TTC31: variants seen among roughly 807,000 people sequenced by gnomAD.
TTC31 encodes tetratricopeptide repeat protein 31.
A neutral mutation model predicts 60.4 loss-of-function variants in TTC31; 59 were observed. The observed-to-expected ratio is 0.98, with a 90% CI of 0.79 to 1.21. TTC31 has a LOEUF of 1.21. Among genes scored for constraint, TTC31 ranks in the 50% most tolerant of loss-of-function variants. The pLI is 0.00. For missense variants in TTC31, 672 were observed against 646.9 expected (o/e 1.04, Z -0.42); for synonymous variants, 225 against 249.6 (o/e 0.90, Z 0.93).
At chr2:74,489,944 G>C in intron 2 of TTC31, 81 bp from the exon 3 acceptor site, 2 of 998,276 alleles carry the variant, frequency 2.0e-6, no homozygotes, top group Non-Finnish European at 3.1e-6. Flanking sequence ...CCATGGTGGA[G>C]AGATCAAGCC....
chr2:74,493,146 C>G lies in TTC31; in HGVS notation c.1488C>G (p.Leu496=). The G allele has an allele frequency of 1.2e-6, 2 of 1,614,210 alleles. No individual in the cohort carries two copies. The highest frequency in any genetic ancestry group is 1.7e-6 in the Non-Finnish European group (2 of 1,180,020). ...CTCAGAGTAGAAGGCCCCATCCTCT[C>G]AAGCCCCAGGACCCTTCAAAGGGCT... ...SQTQSRRPHP[L]KPQDPSKGWD... The change falls in exon 13 of 13, where the codon CTC becomes CTG. Residue 496 remains leucine, a synonymous_variant. Transcript: ENST00000233623.
chr2:74,490,771 A>T (rs757037713), intron 5 of TTC31, 32 bp downstream of exon 5: 2 of 1,594,066 alleles, frequency 1.3e-6, no homozygotes, highest in Non-Finnish European at 1.7e-6. Flanking sequence ...GGTGCAGGGG[A>T]GCCAAAGGGA....
rs780394652 is a variant in TTC31 at position 74,491,648 on chromosome 2, GC to G, written c.856del (p.Gln286SerfsTer47). On this transcript the variant is annotated frameshift_variant, in exon 8 of 13. Transcript: ENST00000233623. LOFTEE classifies it high-confidence loss of function. ...AAGAGAGCCCTCCAAGAGAGGAGAG[GC>G]CCCAGCAGAGTCCAAAGGTACAGGT... ...EEESPPREER[P>X]QQSPKVQASP... The G allele has an allele frequency of 6.2e-7, 1 of 1,614,174 alleles. No individual in the cohort carries two copies.
intron 1 of TTC31, 47 bp downstream of exon 1, chr2:74,483,182 G>A (rs775259581): frequency 6.8e-6 from 11 of 1,613,812 alleles, no homozygotes; most frequent in African/African-American, 1.3e-5. Flanking sequence ...GGCAGAGGCA[G>A]CCCCTCTTGG....
chr2:74,491,851 T>G lies in TTC31; in HGVS notation c.877-153T>G. 13 of 1,443,784 alleles carry G rather than the reference T, an allele frequency of 9.0e-6. 1 individual carries two copies. The South Asian group carries it at 1.7e-4, about 19-fold the overall frequency. The allele number at this position is 1,443,784 out of a possible 1,614,324, so 89.4% of individuals were successfully genotyped here. ...CCATGACCCCGGGTGGTTTCCTGTC[T>G]AGGAAGATAGGGCTGATACCATCTT... On this transcript the variant is annotated intron_variant, in intron 8 of 12. Coordinates refer to ENST00000233623, the MANE Select transcript of TTC31 (RefSeq NM_022492.6).
At chr2:74,492,270 A>G (rs1173841238) in intron 10 of TTC31, 34 bp from the exon 11 acceptor site, 2 of 1,610,576 alleles carry the variant, frequency 1.2e-6, no homozygotes, top group Non-Finnish European at 1.7e-6. Flanking sequence ...AGTGTTGAGG[A>G]CTCAGACCTT....
At chr2:74,492,531 T>A in intron 11 of TTC31, 86 bp downstream of exon 11, 1 of 1,536,074 alleles carries the variant, frequency 6.5e-7, no homozygotes, top group African/African-American at 1.4e-5. Flanking sequence ...GATAAGCTTC[T>A]AGTACCAAAG....
chr2:74,489,088 C>T (rs1372953459), intron 2 of TTC31, among the ~76,000 whole-genome samples: 3 of 152,134 alleles, frequency 2.0e-5, no homozygotes, highest in African/African-American at 2.4e-5. Context: ...GCAAGTGGCT[C>T]CACTCCAGCA....
chr2:74,491,393 C>G lies in TTC31; in HGVS notation c.684+18C>G. 1 of 1,614,040 alleles carries G rather than the reference C, an allele frequency of 6.2e-7. No homozygotes were observed. Among genetic ancestry groups the G allele is most frequent in the Non-Finnish European group, 8.5e-7 (1 of 1,179,958 alleles). ...AAGAAGAGGTGAGAGCCCCTTTTTT[C>G]CCTTCTTGGTCTCTGCTCATTTTCC... On this transcript the variant is annotated intron_variant, in intron 7 of 12. Coordinates refer to ENST00000233623, the MANE Select transcript of TTC31 (RefSeq NM_022492.6).
chr2:74,487,505 A>G (rs994236175), intron 2 of TTC31, among the ~76,000 whole-genome samples: 4 of 152,002 alleles, frequency 2.6e-5, no homozygotes, highest in South Asian at 2.1e-4. Flanking sequence ...GGTGTGAGCC[A>G]CTGCACCCGG....
chr2:74,484,097 C>T (rs763591598), intron 2 of TTC31, among the ~76,000 whole-genome samples: 1 of 151,770 alleles, frequency 6.6e-6, no homozygotes, highest in African/African-American at 2.4e-5. Context: ...ACTAGCTGGG[C>T]GTGGTGGTGT....
chr2:74,490,199 C>T (rs771311752), intron 3 of TTC31, 45 bp from the exon 4 acceptor site: 55 of 1,610,736 alleles, frequency 3.4e-5, no homozygotes, highest in Non-Finnish European at 4.4e-5. Context: ...AGATGCACCC[C>T]GCTCTCATGT....
chr2:74,492,661 G>A lies in TTC31; in HGVS notation c.1177G>A (p.Ala393Thr), dbSNP rs771471549. The change falls in exon 12 of 13, where the codon GCT (alanine) becomes ACT (threonine). Residue 393 changes from alanine (A) to threonine (T), a missense_variant. Transcript: ENST00000233623. Reference sequence around the variant, plus strand: ...GGGACCAAAGCGCTTCAGAGAGGCAGCTGCTGTGTTTCAGGAAACTCTGAG... The same window carrying A: ...GGGACCAAAGCGCTTCAGAGAGGCAACTGCTGTGTTTCAGGAAACTCTGAG... Reference protein sequence around the residue: ...LMGLQRFREAAAVFQETLRGG... With the variant: ...LMGLQRFREATAVFQETLRGG... The A allele has an allele frequency of 1.2e-5, 20 of 1,614,084 alleles. No homozygotes were observed. In the South Asian group the frequency reaches 2.2e-4, roughly 18 times the overall value.
rs761922844 is a variant in TTC31 at position 74,483,117 on chromosome 2, G to A, written c.22G>A (p.Val8Met). Residue 8 changes from valine (V) to methionine (M), a missense_variant, in exon 1 of 13, where the codon GTG becomes ATG. Val to Met is a conservative substitution (Grantham distance 21). Coordinates refer to ENST00000233623, the MANE Select transcript of TTC31 (RefSeq NM_022492.6). ...TGCGATGGCGCCGATTCCAAAGACT[G>A]TGGGGCGGATCAAGCTAGGTGAGCG... MAPIPKT[V>M]GRIKLDCSLR... is the part of the protein sequence containing the mutation. 9 of 1,614,110 alleles carry A rather than the reference G, an allele frequency of 5.6e-6. No homozygotes were observed. The East Asian group carries it at 2.0e-4, about 36-fold the overall frequency.
Position 74,483,387 on chromosome 2 carries a change from G to T in TTC31, c.106G>T (p.Gly36Cys), listed in dbSNP as rs185669877. The change falls in exon 2 of 13, where the codon GGT becomes TGT. Residue 36 changes from glycine to cysteine, a missense_variant. Physicochemically the swap from Gly to Cys is radical, Grantham distance 159. Coordinates refer to ENST00000233623, the MANE Select transcript of TTC31 (RefSeq NM_022492.6). ...TGCACCCAAACTTTGCAAGGAATTC[G>T]GTCCAGAGGATTACGGCGAAGAGGT... ...AAAPKLCKEF[G>C]PEDYGEEDIV... The T allele has an allele frequency of 4.8e-3, 7,692 of 1,614,150 alleles. 33 individuals carry two copies. The highest frequency in any genetic ancestry group is 6.0e-3 in the Non-Finnish European group (7,073 of 1,180,036).
chr2:74,485,691 C>T (rs180793995), intron 2 of TTC31, among the ~76,000 whole-genome samples: 194 of 151,946 alleles, frequency 1.3e-3, no homozygotes, highest in African/African-American at 4.4e-3. Flanking sequence ...AGGCTGGTCT[C>T]GATCTCCTGA....
At chr2:74,485,566 G>A (rs1305769039) in intron 2 of TTC31, among the ~76,000 whole-genome samples, 1 of 150,872 alleles carries the variant, frequency 6.6e-6, no homozygotes, top group Non-Finnish European at 1.5e-5. Flanking sequence ...TGCTTCCCGG[G>A]TTCAAGTGAT....
rs751213907 is a variant in TTC31, at chr2:74,492,932, G to A, written c.1274G>A (p.Arg425Gln). Residue 425 changes from arginine (R) to glutamine (Q), a missense_variant, in exon 13 of 13, where the codon CGA becomes CAA. Physicochemically the swap from Arg to Gln is conservative, Grantham distance 43. Coordinates refer to ENST00000233623, the MANE Select transcript of TTC31 (RefSeq NM_022492.6). ...CLLHLTLQGQ[R>Q]GGICAPPLSP... ...TCTCTCCCTTCTCAGCAGGGTCAGC[G>A]AGGAGGAATCTGTGCACCACCTCTG... The A allele has an allele frequency of 5.0e-6, 8 of 1,605,324 alleles. No homozygotes were observed. In the South Asian group the frequency reaches 5.5e-5, roughly 11 times the overall value.
In TTC31 at chr2:74,493,489, G is replaced by C. The variant is rs1674174839; in HGVS notation, c.*271G>C. The stretch of plus-strand genomic sequence containing the variant: ...GGCTCAAGAAGGGAACTATAGAAAA[G>C]TTCAGGTTTTTAGGCTATAGCAGAG... On this transcript the variant is annotated 3_prime_UTR_variant, in exon 13 of 13. Coordinates refer to ENST00000233623, the MANE Select transcript of TTC31 (RefSeq NM_022492.6). 1 of 434,164 alleles carries C rather than the reference G, an allele frequency of 2.3e-6. No homozygotes were observed. The highest frequency in any genetic ancestry group is 4.1e-6 in the Non-Finnish European group (1 of 242,832). 26.9% of individuals were successfully genotyped at this position (434,164 alleles called of 1,614,324 possible).
Sources: allele counts gnomAD v4.1 joint callset (sites outside exome capture counted in the v4.1 genomes callset), GRCh38; gene constraint gnomAD v4.1.1; transcripts MANE v1.5; gene names NCBI Gene and HGNC (gene_info 2026-07-23, HGNC 2026-07-21).